Variants in CDKL5 observed in about 807,000 individuals in gnomAD.
CDKL5 encodes cyclin-dependent kinase-like 5.
In CDKL5, 8 loss-of-function variants were observed where a neutral mutation model predicts 61.7. That is an observed-to-expected ratio of 0.13 (90% CI 0.08 to 0.23). The LOEUF (loss-of-function observed/expected upper bound fraction) is 0.23. Ranked by LOEUF, CDKL5 falls within the 10% of genes least tolerant of loss-of-function variation. CDKL5 has a pLI of 1.00. For synonymous variants in CDKL5, 275 were observed against 272.3 expected, an observed-to-expected ratio of 1.01 and a Z score of -0.10; for missense variants, 440 against 734.5, an observed-to-expected ratio of 0.60 and a Z score of 4.63.
chrX:18,522,911 T>C (rs1179698118), intron 3 of CDKL5, among the ~76,000 whole-genome samples: 11 of 105,297 alleles, frequency 1.0e-4, no homozygotes, highest in African/African-American at 3.5e-4. Flanking sequence ...TTCTCCTGGC[T>C]CAGTCCCCCA....
At chrX:18,458,729 A>G (rs1602202972) in intron 1 of CDKL5, among the ~76,000 whole-genome samples, 1 of 112,133 alleles carries the variant, frequency 8.9e-6, no homozygotes, top group Non-Finnish European at 1.9e-5. Context: ...TCAAAAAAAA[A>G]AAGAAAAAGA....
intron 1 of CDKL5, among the ~76,000 whole-genome samples, chrX:18,480,756 A>C: frequency 9.1e-6 from 1 of 110,455 alleles, no homozygotes; most frequent in Non-Finnish European, 1.9e-5. Context: ...TGCTTTGGCT[A>C]CTGGGGGCCC....
intron 3 of CDKL5, among the ~76,000 whole-genome samples, chrX:18,550,263 T>C (rs940538326): frequency 6.3e-5 from 7 of 111,358 alleles, no homozygotes; most frequent in Non-Finnish European, 1.1e-4. Context: ...GTGTCTGGGG[T>C]CCACGCGTAT....
chrX:18,510,038 G>T (rs1922770116), intron 2 of CDKL5, among the ~76,000 whole-genome samples: 1 of 110,363 alleles, frequency 9.1e-6, no homozygotes, highest in East Asian at 2.8e-4. Context: ...AAAAAAGAGG[G>T]GCATTTCAGT....
intron 3 of CDKL5, among the ~76,000 whole-genome samples, chrX:18,540,756 C>T (rs185797774): frequency 9.7e-4 from 104 of 107,356 alleles, no homozygotes; most frequent in African/African-American, 3.4e-3. Flanking sequence ...GGCGTGATCT[C>T]GGCTCACTGC....
rs55803460 is a variant in CDKL5 at position 18,613,199 on chromosome X, A to G, written c.2200A>G (p.Thr734Ala). ...TTCTTTCCATGAAAATAATGTGTCA[A>G]CTAGAGTTTCTTCTCTACCATCAGA... ...DNSFHENNVS[T>A]RVSSLPSESS... Residue 734 changes from threonine (T) to alanine (A), a missense_variant, in exon 15 of 18, where the codon ACT (threonine) becomes GCT (alanine). Around this residue, in one of 2 missense-constraint regions of CDKL5, gnomAD observed 363 missense variants for 516.3 expected, o/e 0.70. Coordinates refer to ENST00000623535, the MANE Select transcript of CDKL5 (RefSeq NM_001323289.2). 6.2e-5 allele frequency: 75 copies of G among 1,200,245 alleles called. No individual in the cohort carries two copies. The highest frequency in any genetic ancestry group is 1.2e-4 in the South Asian group (7 of 56,530).
chrX:18,628,041 A>T (rs1927119861), intron 17 of CDKL5, among the ~76,000 whole-genome samples: 1 of 111,576 alleles, frequency 9.0e-6, no homozygotes, highest in Non-Finnish European at 1.9e-5. Flanking sequence ...ACAGAGAAAC[A>T]TACACCTTTT....
intron 1 of CDKL5, among the ~76,000 whole-genome samples, chrX:18,440,963 T>C (rs1004558928): frequency 9.0e-6 from 1 of 111,313 alleles, no homozygotes; most frequent in Non-Finnish European, 1.9e-5. Context: ...AAGAACCATC[T>C]TAATATGAAT....
intron 15 of CDKL5, among the ~76,000 whole-genome samples, chrX:18,614,730 C>T (rs779001974): frequency 2.7e-5 from 3 of 112,478 alleles, no homozygotes; most frequent in Non-Finnish European, 5.6e-5. Context: ...TGCGAATTAA[C>T]GTGAGAACAC....
At chrX:18,467,900 G>A (rs1169990510) in intron 1 of CDKL5, among the ~76,000 whole-genome samples, 1 of 111,681 alleles carries the variant, frequency 9.0e-6, no homozygotes, top group Non-Finnish European at 1.9e-5. Context: ...CGGTTTACAT[G>A]TGATAGGTGT....
chrX:18,599,820 T>A, intron 11 of CDKL5, among the ~76,000 whole-genome samples: 1 of 111,806 alleles, frequency 8.9e-6, no homozygotes, highest in East Asian at 2.8e-4. Flanking sequence ...CAACCCCAAA[T>A]TTTCCATCCA....
At chrX:18,440,021 A>G (rs941860151) in intron 1 of CDKL5, among the ~76,000 whole-genome samples, 1 of 110,647 alleles carries the variant, frequency 9.0e-6, no homozygotes, top group Non-Finnish European at 1.9e-5. Flanking sequence ...TTGCCTTAGT[A>G]TTGATGGTGA....
At chrX:18,481,708 G>A (rs1921587185) in intron 1 of CDKL5, among the ~76,000 whole-genome samples, 1 of 109,545 alleles carries the variant, frequency 9.1e-6, no homozygotes, top group African/African-American at 3.3e-5. Flanking sequence ...CAGGATCTAG[G>A]TGCTAGGTGG....
chrX:18,492,107 C>T (rs1159903833), intron 1 of CDKL5, among the ~76,000 whole-genome samples: 3 of 111,330 alleles, frequency 2.7e-5, no homozygotes, highest in African/African-American at 9.8e-5. Flanking sequence ...TTCCCACCAG[C>T]AGTGTATGAG....
chrX:18,437,436 C>T (rs1037306534), intron 1 of CDKL5, among the ~76,000 whole-genome samples: 1 of 112,154 alleles, frequency 8.9e-6, no homozygotes, highest in Non-Finnish European at 1.9e-5. Flanking sequence ...TCCCTCCAGA[C>T]ACCTTTAATC....
chrX:18,486,204 T>C (rs987323248), intron 1 of CDKL5, among the ~76,000 whole-genome samples: 1 of 112,187 alleles, frequency 8.9e-6, no homozygotes, highest in Non-Finnish European at 1.9e-5. Flanking sequence ...AGAATGCCTT[T>C]ACCCATTTTG....
intron 1 of CDKL5, among the ~76,000 whole-genome samples, chrX:18,469,665 A>T (rs997463402): frequency 2.7e-5 from 3 of 110,976 alleles, no homozygotes; most frequent in Non-Finnish European, 5.7e-5. Context: ...AAAAAAAAAA[A>T]ATTTCATTGA....
At chrX:18,640,218 T>A (rs978277274), downstream of CDKL5, 2 of 111,589 alleles carry the variant, frequency 1.8e-5, no homozygotes, top group South Asian at 7.5e-4. Flanking sequence ...AAAGCCTTTC[T>A]CCCTGCCTCA....
chrX:18,548,133 GTT>G (rs771622672), intron 3 of CDKL5, among the ~76,000 whole-genome samples: 2 of 99,909 alleles, frequency 2.0e-5, no homozygotes, highest in African/African-American at 3.6e-5. Flanking sequence ...GAGCTAGAAA[GTT>G]TTTTTTTTTT....
Sources: allele counts gnomAD v4.1 joint callset (sites outside exome capture counted in the v4.1 genomes callset), GRCh38; gene constraint gnomAD v4.1.1; regional missense constraint gnomAD v4.1.1; transcripts MANE v1.5; gene names NCBI Gene and HGNC (gene_info 2026-07-23, HGNC 2026-07-21).